Variants in CIDEA observed in about 807,000 individuals in gnomAD.
CIDEA encodes lipid transferase CIDEA.
CIDEA carries 10 observed loss-of-function variants against 18.2 expected under a neutral mutation model. That is an observed-to-expected ratio of 0.55 (90% confidence interval 0.34 to 0.93). The LOEUF (loss-of-function observed/expected upper bound fraction) is 0.93, where lower values mean the gene tolerates loss of function less well. Among genes scored for constraint, CIDEA ranks in the 40% least tolerant of loss-of-function variants. The probability of loss-of-function intolerance (pLI) is 0.02; values close to 1 mark genes in which losing one functional copy is unlikely to be tolerated. For missense variants in CIDEA, 309 were observed against 293.1 expected (o/e 1.05, Z -0.40); for synonymous variants, 128 against 124.8 (o/e 1.03, Z -0.17).
intron 1 of CIDEA, 90 bp from the exon 2 acceptor site, chr18:12,262,735 A>G (rs1669877420): frequency 8.0e-7 from 1 of 1,243,332 alleles, no homozygotes; most frequent in African/African-American, 1.5e-5. Flanking sequence ...TTTTAGATGC[A>G]AATATTAAAA....
intron 3 of CIDEA, among the ~76,000 whole-genome samples, chr18:12,265,600 C>T (rs146392261): frequency 1.1e-4 from 17 of 152,298 alleles, no homozygotes; most frequent in African/African-American, 3.4e-4. Context: ...GCTGAGAGTT[C>T]GGTTTTCAGA....
intron 3 of CIDEA, among the ~76,000 whole-genome samples, chr18:12,271,829 G>C (rs62097515): frequency 0.12 from 18,874 of 152,154 alleles, 1,151 homozygotes; most frequent in South Asian, 0.18. Flanking sequence ...CCGCCAGCAG[G>C]TGTCTCGCTC....
At chr18:12,270,953 C>A (rs1388835101) in intron 3 of CIDEA, among the ~76,000 whole-genome samples, 1 of 120,260 alleles carries the variant, frequency 8.3e-6, no homozygotes, top group African/African-American at 3.2e-5. Flanking sequence ...GGAGGGAGTG[C>A]AATGGCGTGA....
chr18:12,273,970 A>G, intron 3 of CIDEA, 123 bp from the exon 4 acceptor site: 1 of 1,011,008 alleles, frequency 9.9e-7, no homozygotes, highest in East Asian at 2.6e-5. Flanking sequence ...TCGATTAGCC[A>G]CGGAGCCGCT....
Position 12,262,817 on chromosome 18 carries a change from A to T in CIDEA, c.39-8A>T. The T allele has an allele frequency of 6.2e-7, 1 of 1,607,770 alleles. No individual in the cohort carries two copies. ...TTAAAAAGTTTTACTTTTCACCTCC[A>T]TTTTCAGGCCCCTGACATTTATGGG... On this transcript the variant is annotated splice_polypyrimidine_tract_variant and splice_region_variant and intron_variant, in intron 1 of 4. Coordinates refer to ENST00000320477, the MANE Select transcript of CIDEA (RefSeq NM_001279.4).
At chr18:12,254,453 C>A (rs1341268677) in intron 1 of CIDEA, 32 bp downstream of exon 1, 5 of 1,594,122 alleles carry the variant, frequency 3.1e-6, no homozygotes, top group East Asian at 2.3e-5. Flanking sequence ...GATTGCCGTG[C>A]GCTTCCAATC....
chr18:12,268,093 C>T (rs1217379913), intron 3 of CIDEA, among the ~76,000 whole-genome samples: 1 of 152,018 alleles, frequency 6.6e-6, no homozygotes, highest in Non-Finnish European at 1.5e-5. Context: ...GAGATGGAGT[C>T]TCGCTCTGTC....
chr18:12,277,335 T>G lies in CIDEA; in HGVS notation c.*65T>G. 6.4e-7 allele frequency: 1 copy of G among 1,571,190 alleles called. No individual in the cohort carries two copies. The highest frequency in any genetic ancestry group is 8.7e-7 in the Non-Finnish European group (1 of 1,147,280). On this transcript the variant is annotated 3_prime_UTR_variant, in exon 5 of 5. Transcript: ENST00000320477. Reference sequence around the variant, plus strand: ...TTTCGTTTGGCTCAATGACGAATGTTGAAGATGCTTTTATGTTCTGAGCCA... The same window carrying G: ...TTTCGTTTGGCTCAATGACGAATGTGGAAGATGCTTTTATGTTCTGAGCCA...
At chr18:12,257,231 T>C (rs11080561) in intron 1 of CIDEA, among the ~76,000 whole-genome samples, 17,987 of 152,148 alleles carry the variant, frequency 0.12, 2,649 homozygotes, top group African/African-American at 0.35. Context: ...CCAATTCCTG[T>C]GTACTGCTTC....
At chr18:12,272,149 T>TGTGTGG (rs1555662634) in intron 3 of CIDEA, among the ~76,000 whole-genome samples, 6 of 7,490 alleles carry the variant, frequency 8.0e-4, no homozygotes, top group African/African-American at 2.9e-3. Flanking sequence ...AGTGTGTGTG[T>TGTGTGG]GGGGGGGGGG....
chr18:12,263,011 C>A (rs1485531064), intron 2 of CIDEA, 42 bp downstream of exon 2: 1 of 1,600,542 alleles, frequency 6.2e-7, no homozygotes, highest in South Asian at 1.1e-5. Context: ...CACAGGGGTG[C>A]CCTGCACTCA....
At chr18:12,268,973 C>A (rs1381229143) in intron 3 of CIDEA, among the ~76,000 whole-genome samples, 2 of 151,772 alleles carry the variant, frequency 1.3e-5, no homozygotes, top group Non-Finnish European at 2.9e-5. Flanking sequence ...TTACAGGTGC[C>A]TGCCACCACG....
At chr18:12,264,551 T>TTTC (rs1912290988) in intron 3 of CIDEA, 98 bp downstream of exon 3, 1 of 6,444 alleles carries the variant, frequency 1.6e-4, no homozygotes, top group South Asian at 0.12. Flanking sequence ...ACTTTCTTTC[T>TTTC]TTTTTTTTTT....
Position 12,262,890 on chromosome 18 carries a change from G to C in CIDEA, c.104G>C (p.Arg35Pro), listed in dbSNP as rs765367947. ...TTCACCCCGCTCATGCATCCAGCTC[G>C]CCCTTTCCGGGTCTCCAACCATGAC... The part of the protein sequence containing the change: ...VLFTPLMHPA[R>P]PFRVSNHDRS... The change falls in exon 2 of 5, where the codon CGC (arginine) becomes CCC (proline). Residue 35 changes from arginine to proline, a missense_variant. Physicochemically the swap from Arg to Pro is moderately radical, Grantham distance 103. Coordinates refer to ENST00000320477, the MANE Select transcript of CIDEA (RefSeq NM_001279.4). The C allele has an allele frequency of 6.2e-7, 1 of 1,614,102 alleles. No individual in the cohort carries two copies. Among genetic ancestry groups the C allele is most frequent in the Admixed American group, 1.7e-5 (1 of 60,016 alleles).
chr18:12,268,230 ATTTTTTTTTTT>A (rs1285349657), intron 3 of CIDEA, among the ~76,000 whole-genome samples: 1 of 114,644 alleles, frequency 8.7e-6, no homozygotes, highest in Non-Finnish European at 1.7e-5. Flanking sequence ...ATGCCCGGCC[ATTTTTTTTTTT>A]TTTTTTTTTT....
chr18:12,265,527 G>C (rs982811302), intron 3 of CIDEA, among the ~76,000 whole-genome samples: 2 of 152,232 alleles, frequency 1.3e-5, no homozygotes, highest in African/African-American at 4.8e-5. Context: ...GCTCTCTCCT[G>C]GCAATTTGGG....
chr18:12,254,642 G>T (rs1243785876), intron 1 of CIDEA: 7 of 1,528,742 alleles, frequency 4.6e-6, no homozygotes, highest in South Asian at 3.6e-5. Flanking sequence ...CCCGTCCCGC[G>T]CCTCCTCACC....
At chr18:12,256,207 C>T (rs909788099) in intron 1 of CIDEA, among the ~76,000 whole-genome samples, 9 of 152,162 alleles carry the variant, frequency 5.9e-5, no homozygotes, top group African/African-American at 1.7e-4. Flanking sequence ...AAACCCTGTC[C>T]GGGCAAAAGA....
At position 12,268,972 on chromosome 18, in the gene CIDEA, C is replaced by T. The variant is rs1912439103; in HGVS notation, c.330+4519C>T. 2.6e-5 allele frequency among the ~76,000 whole-genome samples: 4 copies of T among 151,888 alleles called. 1 individual carries two copies. Among genetic ancestry groups the T allele is most frequent in the Non-Finnish European group, 2.9e-5 (2 of 67,936 alleles). On this transcript the variant is annotated intron_variant, in intron 3 of 4. Transcript: ENST00000320477. ...TCCCAAGTAGCTGGGATTACAGGTG[C>T]CTGCCACCACGCCCAGCTAATTTTT... is the stretch of plus-strand genomic sequence containing the variant.
Sources: gnomAD v4.1 joint callset for allele counts (sites outside exome capture counted in the v4.1 genomes callset) on GRCh38, gnomAD v4.1.1 for gene constraint, MANE v1.5 for transcripts, NCBI Gene and HGNC (gene_info 2026-07-23, HGNC 2026-07-21) for gene names.